The following ITPR2 variants were observed in gnomAD, a reference collection of about 807,000 sequenced individuals.
ITPR2 encodes the protein inositol 1,4,5-trisphosphate receptor type 2, also known as inositol 1,4,5-trisphosphate-gated calcium channel ITPR2.
ITPR2 carries 207 observed loss-of-function variants against 317.1 expected under a neutral mutation model. The ratio of observed to expected loss-of-function variants is 0.65; its 90% CI spans 0.58 to 0.73. ITPR2 has a LOEUF of 0.73. Ranked by LOEUF, ITPR2 falls within the 30% of genes least tolerant of loss-of-function variation. The probability of loss-of-function intolerance (pLI) is 0.00; values close to 1 mark genes in which losing one functional copy is unlikely to be tolerated. For missense variants in ITPR2, 2,613 were observed against 3,284.0 expected, an observed-to-expected ratio of 0.80 and a Z score of 4.99; for synonymous variants, 1,156 against 1,149.1, an observed-to-expected ratio of 1.01 and a Z score of -0.12.
intron 37 of ITPR2, among the ~76,000 whole-genome samples, chr12:26,522,668 A>T (rs1466050834): frequency 6.6e-6 from 1 of 152,240 alleles, no homozygotes; most frequent in Non-Finnish European, 1.5e-5. Context: ...TGCAAGTTAA[A>T]TCTCACACGT....
chr12:26,344,253 C>G (rs932379123), intron 55 of ITPR2, among the ~76,000 whole-genome samples: 7 of 152,124 alleles, frequency 4.6e-5, no homozygotes, highest in Non-Finnish European at 1.0e-4. Flanking sequence ...TAAGACAGGG[C>G]TCCTCTTGGG....
chr12:26,381,443 C>G (rs1035741662), intron 55 of ITPR2, among the ~76,000 whole-genome samples: 1 of 152,126 alleles, frequency 6.6e-6, no homozygotes, highest in African/African-American at 2.4e-5. Flanking sequence ...CTTTATACAG[C>G]AAATCTTTAG....
intron 1 of ITPR2, among the ~76,000 whole-genome samples, chr12:26,811,610 C>G (rs1950749666): frequency 6.6e-6 from 1 of 151,566 alleles, no homozygotes; most frequent in South Asian, 2.1e-4. Flanking sequence ...TGGCATGAAC[C>G]CGGGGGGCAG....
intron 45 of ITPR2, among the ~76,000 whole-genome samples, chr12:26,456,875 T>C (rs1941900980): frequency 1.3e-5 from 2 of 152,152 alleles, no homozygotes; most frequent in South Asian, 4.1e-4. Context: ...GGTTTCACCT[T>C]GTTGGCCAGG....
chr12:26,661,109 A>G (rs1292046085), intron 15 of ITPR2, among the ~76,000 whole-genome samples: 1 of 151,990 alleles, frequency 6.6e-6, no homozygotes, highest in Non-Finnish European at 1.5e-5. Context: ...CACACAACAG[A>G]AAGGGAAGAA....
chr12:26,833,146 C>G lies in ITPR2; in HGVS notation c.-365G>C. On this transcript the variant is annotated 5_prime_UTR_variant, in exon 1 of 57. Coordinates refer to ENST00000381340, the MANE Select transcript of ITPR2 (RefSeq NM_002223.4). The stretch of plus-strand genomic sequence containing the variant: ...CTCCGCTCCCCACTCCGTGTCCACT[C>G]CCTGCTCTGCGACCCGCTGCGGCCG... 1 of 235,492 alleles carries G rather than the reference C, an allele frequency of 4.2e-6. No homozygotes were observed. The allele number at this position is 235,492 out of a possible 1,614,324, so 14.6% of individuals were successfully genotyped here.
chr12:26,374,411 C>T lies in ITPR2; in HGVS notation c.7857+13023G>A, dbSNP rs370661453. ...CCAGATGTGGGCGCAGCATCTAGGA[C>T]ATTATAGGTGCTATGTATTTATTGA... On this transcript the variant is annotated intron_variant, in intron 55 of 56. Transcript: ENST00000381340. 3.9e-5 allele frequency among the ~76,000 whole-genome samples: 6 copies of T among 152,240 alleles called. No individual in the cohort carries two copies. In the East Asian group the frequency reaches 5.8e-4, roughly 15 times the overall value.
chr12:26,518,833 T>C (rs1261944533), intron 37 of ITPR2, among the ~76,000 whole-genome samples: 3 of 151,932 alleles, frequency 2.0e-5, no homozygotes, highest in African/African-American at 7.3e-5. Context: ...AAGTAAAACA[T>C]TGCAAGAAGG....
rs759145437 is a variant in ITPR2, at chr12:26,556,326, T to A, written c.4871A>T (p.Glu1624Val). ...EHQFSPMMQAEFSVLVDVLYS... is the reference protein window; with the variant it reads ...EHQFSPMMQAVFSVLVDVLYS... ...CAATACATCAACCAACACTGAGAATTCAGCCTGCATCATTGGGCTGAACTG... is the reference window on the plus strand; with the variant it reads ...CAATACATCAACCAACACTGAGAATACAGCCTGCATCATTGGGCTGAACTG... Residue 1624 changes from glutamate (E) to valine (V), a missense_variant, in exon 36 of 57, where the codon GAA becomes GTA. This residue lies in a region of ITPR2 where 926 missense variants were observed against 1,072.8 expected (regional missense o/e 0.86). Coordinates refer to ENST00000381340, the MANE Select transcript of ITPR2 (RefSeq NM_002223.4). 9 of 1,614,064 alleles carry A rather than the reference T, an allele frequency of 5.6e-6. No individual in the cohort carries two copies. Among genetic ancestry groups the A allele is most frequent in the Non-Finnish European group, 6.8e-6 (8 of 1,179,966 alleles).
intron 2 of ITPR2, among the ~76,000 whole-genome samples, chr12:26,759,124 T>G (rs145434588): frequency 1.3e-5 from 2 of 152,202 alleles, no homozygotes; most frequent in East Asian, 1.9e-4. Context: ...GAATGATACA[T>G]GCACATAAAT....
intron 5 of ITPR2, among the ~76,000 whole-genome samples, chr12:26,718,832 G>A (rs530185770): frequency 7.2e-5 from 11 of 151,934 alleles, no homozygotes; most frequent in African/African-American, 2.2e-4. Flanking sequence ...GGCTGGTTTC[G>A]AACTCCTAAC....
intron 37 of ITPR2, among the ~76,000 whole-genome samples, chr12:26,498,192 T>A (rs190167875): frequency 9.2e-5 from 14 of 152,334 alleles, no homozygotes; most frequent in African/African-American, 2.9e-4. Flanking sequence ...TAATGGGGTG[T>A]AGTAAGTAAA....
chr12:26,441,681 A>C (rs1403699403), intron 46 of ITPR2, among the ~76,000 whole-genome samples: 1 of 152,178 alleles, frequency 6.6e-6, no homozygotes, highest in Non-Finnish European at 1.5e-5. Flanking sequence ...ATCCAACTCC[A>C]TGGATGACTC....
At chr12:26,562,917 T>TA (rs78796600) in intron 34 of ITPR2, among the ~76,000 whole-genome samples, 123 of 130,216 alleles carry the variant, frequency 9.4e-4, no homozygotes, top group Middle Eastern at 7.9e-3. Flanking sequence ...AAAGTATAAT[T>TA]AAAAAAAAAA....
At chr12:26,781,944 G>T (rs1000148129) in intron 2 of ITPR2, among the ~76,000 whole-genome samples, 1 of 146,934 alleles carries the variant, frequency 6.8e-6, no homozygotes, top group Non-Finnish European at 1.5e-5. Context: ...ATGGCCTATT[G>T]TGGGACCTTG....
chr12:26,723,083 C>G (rs1434999358), intron 4 of ITPR2, among the ~76,000 whole-genome samples: 1 of 152,084 alleles, frequency 6.6e-6, no homozygotes, highest in Admixed American at 6.6e-5. Flanking sequence ...GACCCTACCC[C>G]CTCCCAGATG....
intron 34 of ITPR2, among the ~76,000 whole-genome samples, chr12:26,567,980 A>ATATATATATATATATTATATATAT (rs56837732): frequency 0.1 from 777 of 7,560 alleles, 27 homozygotes; most frequent in Middle Eastern, 0.3. Flanking sequence ...TATATATATT[A>ATATATATATATATATTATATATAT]TATATATATA....
rs1445205668 is a variant in ITPR2 at position 26,599,228 on chromosome 12, C to T, written c.3919G>A (p.Val1307Met). The stretch of plus-strand genomic sequence containing the variant: ...GTTTGCAAAAACCTCAGGTACTCCA[C>T]GTGGCGGCCATGTGTCTCAATGCAG... ...VHCIETHGRHVEYLRFLQTIV... is the reference protein window; with the variant it reads ...VHCIETHGRHMEYLRFLQTIV... The change falls in exon 30 of 57, where the codon GTG becomes ATG. Residue 1307 changes from valine to methionine, a missense_variant. Physicochemically the swap from Val to Met is conservative, Grantham distance 21. Coordinates refer to ENST00000381340, the MANE Select transcript of ITPR2 (RefSeq NM_002223.4). 3 of 1,614,112 alleles carry T rather than the reference C, an allele frequency of 1.9e-6. No homozygotes were observed. The highest frequency in any genetic ancestry group is 1.7e-5 in the Admixed American group (1 of 60,008).
chr12:26,745,607 C>T (rs965702917), intron 2 of ITPR2, among the ~76,000 whole-genome samples: 1 of 152,130 alleles, frequency 6.6e-6, no homozygotes, highest in Non-Finnish European at 1.5e-5. Context: ...TCCTCACTTA[C>T]CAAAGGCATA....
Sources: gnomAD v4.1 joint callset for allele counts (sites outside exome capture counted in the v4.1 genomes callset) on GRCh38, gnomAD v4.1.1 for gene constraint, gnomAD v4.1.1 regional missense constraint, MANE v1.5 for transcripts, NCBI Gene and HGNC (gene_info 2026-07-23, HGNC 2026-07-21) for gene names.